The following ATP6V0A1 variants were observed in gnomAD, a reference collection of about 807,000 sequenced individuals.
The protein encoded by ATP6V0A1 is V-type proton ATPase 116 kDa subunit a 1.
In ATP6V0A1, 43 loss-of-function variants were observed where a neutral mutation model predicts 105.4. The ratio of observed to expected loss-of-function variants is 0.41; its 90% CI spans 0.32 to 0.53. The LOEUF (loss-of-function observed/expected upper bound fraction) is 0.53. Among genes scored for constraint, ATP6V0A1 ranks in the 20% least tolerant of loss-of-function variants. The pLI is 0.30. For missense variants in ATP6V0A1, 676 were observed against 1,051.1 expected (o/e 0.64, Z 4.93); for synonymous variants, 362 against 372.8 (o/e 0.97, Z 0.33).
intron 19 of ATP6V0A1, chr17:42,509,943 T>C (rs2092266458): frequency 6.6e-6 from 1 of 152,220 alleles, no homozygotes; most frequent in Admixed American, 6.5e-5. Context: ...CAAATTTAGA[T>C]ACCCATGACA....
At chr17:42,461,786 A>T (rs1300193008) in intron 2 of ATP6V0A1, among the ~76,000 whole-genome samples, 2 of 152,000 alleles carry the variant, frequency 1.3e-5, no homozygotes, top group African/African-American at 4.8e-5. Context: ...CAACAACAAC[A>T]ACAAAAAACT....
In ATP6V0A1 at chr17:42,501,233, C is replaced by G; in HGVS notation, c.1933C>G (p.Leu645Val). 4 of 1,614,080 alleles carry G rather than the reference C, an allele frequency of 2.5e-6. No individual in the cohort carries two copies. Among genetic ancestry groups the G allele is most frequent in the Non-Finnish European group, 3.4e-6 (4 of 1,179,978 alleles). Residue 645 changes from leucine to valine, a missense_variant, in exon 17 of 22, where the codon CTG (leucine) becomes GTG (valine). Around this residue, in one of 3 missense-constraint regions of ATP6V0A1, gnomAD observed 435 missense variants for 642.2 expected, o/e 0.68. Transcript: ENST00000343619. ...IQCFLVVVAL[L>V]CVPWMLLFKP... is the part of the protein sequence containing the mutation. ...GTGTTTCCTGGTAGTGGTTGCACTA[C>G]TGTGTGTACCTTGGATGCTGCTGTT... is the stretch of plus-strand genomic sequence containing the variant.
At chr17:42,492,040 T>C (rs1455249078) in intron 11 of ATP6V0A1, among the ~76,000 whole-genome samples, 1 of 152,296 alleles carries the variant, frequency 6.6e-6, no homozygotes, top group East Asian at 1.9e-4. Flanking sequence ...AATAAACATG[T>C]TGACACCTCA....
chr17:42,494,549 G>T, intron 12 of ATP6V0A1, 76 bp downstream of exon 12: 1 of 1,488,878 alleles, frequency 6.7e-7, no homozygotes. Flanking sequence ...ATTATGATCT[G>T]GAAGTCTTTT....
intron 10 of ATP6V0A1, among the ~76,000 whole-genome samples, chr17:42,488,133 A>T (rs1465724076): frequency 2.6e-5 from 4 of 152,218 alleles, no homozygotes; most frequent in African/African-American, 9.6e-5. Context: ...ACAGTTTATT[A>T]GGAGAGTTCC....
Position 42,509,590 on chromosome 17 carries a change from C to T in ATP6V0A1, c.2130+1001C>T, listed in dbSNP as rs191611245. ...TGTGTTCCTGGACTGCTCATCTATG[C>T]AGTCCCTGGCTGAGCTACCTGGCAG... On this transcript the variant is annotated intron_variant, in intron 19 of 21. Coordinates refer to ENST00000343619, the MANE Select transcript of ATP6V0A1 (RefSeq NM_001130021.3). 6.4e-4 allele frequency among the ~76,000 whole-genome samples: 97 copies of T among 152,350 alleles called. No individual in the cohort carries two copies. In the Middle Eastern group the frequency reaches 0.01, roughly 16 times the overall value.
At position 42,480,812 on chromosome 17, in the gene ATP6V0A1, G is replaced by A. The variant is rs189549714; in HGVS notation, c.716+63G>A. On this transcript the variant is annotated intron_variant, in intron 8 of 21. Coordinates refer to ENST00000343619, the MANE Select transcript of ATP6V0A1 (RefSeq NM_001130021.3). ...TGCTGCCCAACTGTTGAGTCTTAAAGTTCACAATAGTGAAATACAAATCCT... is the reference window on the plus strand; with the variant it reads ...TGCTGCCCAACTGTTGAGTCTTAAAATTCACAATAGTGAAATACAAATCCT... 6.8e-5 allele frequency: 98 copies of A among 1,442,350 alleles called. No individual in the cohort carries two copies. The East Asian group carries it at 1.8e-3, about 27-fold the overall frequency. 89.3% of individuals were successfully genotyped at this position (1,442,350 alleles called of 1,614,324 possible).
At chr17:42,504,356 G>A (rs2091885608) in intron 17 of ATP6V0A1, among the ~76,000 whole-genome samples, 1 of 152,148 alleles carries the variant, frequency 6.6e-6, no homozygotes, top group African/African-American at 2.4e-5. Flanking sequence ...GTTCTGAAGA[G>A]ATCATTATTA....
In ATP6V0A1 at chr17:42,521,017, C is replaced by G. The variant is rs1405535551; in HGVS notation, c.2421-10C>G. On this transcript the variant is annotated splice_polypyrimidine_tract_variant and intron_variant, in intron 21 of 21. Transcript: ENST00000343619. This position sits in a 1 kb window ranked among gnomAD's most constrained non-coding sequence, Gnocchi z 4.8. ...TATTGAATGACAGCTTTCTTCTTCT[C>G]TTTCTCCAGGGTTGAGTTCCAGAAT... The G allele has an allele frequency of 6.3e-7, 1 of 1,582,582 alleles. No individual in the cohort carries two copies. The highest frequency in any genetic ancestry group is 1.1e-5 in the South Asian group (1 of 87,298).
At chr17:42,466,589 G>A in intron 3 of ATP6V0A1, 82 bp downstream of exon 3, 1 of 1,199,216 alleles carries the variant, frequency 8.3e-7, no homozygotes, top group Non-Finnish European at 1.2e-6. Flanking sequence ...CTTAATAGAG[G>A]AAGAAAATGT....
chr17:42,478,544 C>T lies in ATP6V0A1; in HGVS notation c.588C>T (p.Phe196=), dbSNP rs1739072847. The part of the protein sequence containing the change: ...MLWRVCRGNV[F]LRQAEIENPL... ...GGCGGGTATGCCGGGGAAATGTGTT[C>T]CTGCGACAGGCTGAAATCGAGAACC... Residue 196 remains phenylalanine (F), a synonymous_variant, in exon 7 of 22, where the codon TTC becomes TTT. Transcript: ENST00000343619. 1 of 1,606,462 alleles carries T rather than the reference C, an allele frequency of 6.2e-7. No homozygotes were observed. The highest frequency in any genetic ancestry group is 1.7e-5 in the Admixed American group (1 of 59,536).
At chr17:42,494,592 T>C in intron 12 of ATP6V0A1, 119 bp downstream of exon 12, 1 of 1,267,070 alleles carries the variant, frequency 7.9e-7, no homozygotes, top group East Asian at 2.5e-5. Flanking sequence ...AGTAGAGAAG[T>C]TATGTTCATT....
chr17:42,460,443 A>G (rs1256572291), intron 1 of ATP6V0A1: 1 of 159,736 alleles, frequency 6.3e-6, no homozygotes, highest in Non-Finnish European at 1.4e-5. Flanking sequence ...AGGGTATTGA[A>G]GGCCTCTTCT....
chr17:42,467,271 A>G (rs1018305445), intron 3 of ATP6V0A1, among the ~76,000 whole-genome samples: 1 of 152,204 alleles, frequency 6.6e-6, no homozygotes, highest in Non-Finnish European at 1.5e-5. Context: ...TTATTTAATA[A>G]TTGAGGAAAC....
In ATP6V0A1 at chr17:42,521,066, C is replaced by T; in HGVS notation, c.2460C>T (p.Phe820=). The change falls in exon 22 of 22, where the codon TTC becomes TTT. Residue 820 remains phenylalanine (F), a synonymous_variant. Transcript: ENST00000343619. The surrounding 1 kb of genome is among the most constrained non-coding windows in gnomAD (Gnocchi z 4.8). ...ATAAATTCTACAGCGGGACCGGTTT[C>T]AAGTTCTTACCCTTCTCCTTCGAGC... ...FQNKFYSGTG[F]KFLPFSFEHI... 1 of 1,610,542 alleles carries T rather than the reference C, an allele frequency of 6.2e-7. No homozygotes were observed. Among genetic ancestry groups the T allele is most frequent in the Non-Finnish European group, 8.5e-7 (1 of 1,178,400 alleles).
At chr17:42,494,817 G>A (rs547833442) in intron 12 of ATP6V0A1, 19 of 510,960 alleles carry the variant, frequency 3.7e-5, no homozygotes, top group African/African-American at 7.7e-5. Context: ...GGCCAAAACC[G>A]CAGTAACTTT....
intron 4 of ATP6V0A1, 32 bp from the exon 5 acceptor site, chr17:42,470,058 C>G (rs768909612): frequency 3.8e-6 from 6 of 1,559,280 alleles, no homozygotes; most frequent in African/African-American, 2.7e-5. Flanking sequence ...ACATATTGAG[C>G]TTAGCTTAAT....
intron 21 of ATP6V0A1, among the ~76,000 whole-genome samples, chr17:42,516,511 G>A (rs1057218964): frequency 1.6e-4 from 24 of 152,132 alleles, no homozygotes; most frequent in African/African-American, 4.8e-4. Context: ...CTCAGTGCAC[G>A]AGAACCTCTG....
chr17:42,518,781 G>A (rs1242883873), intron 21 of ATP6V0A1: 1 of 152,234 alleles, frequency 6.6e-6, no homozygotes, highest in African/African-American at 2.4e-5. Context: ...CAGTGTCTTG[G>A]GGCATGGCAA....
Sources: gnomAD v4.1 joint callset for allele counts (sites outside exome capture counted in the v4.1 genomes callset) on GRCh38, gnomAD v4.1.1 for gene constraint, gnomAD v4.1.1 regional missense constraint, Gnocchi (gnomAD v3.1) non-coding constraint, MANE v1.5 for transcripts, NCBI Gene and HGNC (gene_info 2026-07-23, HGNC 2026-07-21) for gene names.